ZP2: variants seen among roughly 807,000 people sequenced by gnomAD.
ZP2 encodes zona pellucida sperm-binding protein 2.
Under a neutral mutation model 84.0 loss-of-function variants are expected in ZP2, and 51 were observed. The ratio of observed to expected loss-of-function variants is 0.61; its 90% CI spans 0.49 to 0.77. ZP2 has a LOEUF of 0.77. Ranked by LOEUF, ZP2 falls within the 30% of genes least tolerant of loss-of-function variation. The probability of loss-of-function intolerance (pLI) is 0.00; values close to 1 mark genes in which losing one functional copy is unlikely to be tolerated. For synonymous variants in ZP2, 375 were observed against 330.9 expected (o/e 1.13, Z -1.45); for missense variants, 909 against 911.9 (o/e 1.00, Z 0.04).
upstream of ZP2, chr16:21,211,850 T>C (rs1597592876): frequency 2.4e-6 from 3 of 1,269,788 alleles, no homozygotes; most frequent in East Asian, 9.1e-5. Flanking sequence ...TTTGGGCAAA[T>C]TATTTACAAC....
Position 21,199,970 on chromosome 16 carries a change from C to A in ZP2, c.1695-92G>T, listed in dbSNP as rs570001637. On this transcript the variant is annotated intron_variant, in intron 14 of 18. Transcript: ENST00000574091. Reference sequence around the variant, plus strand: ...CAGATTTAGTCATACGTAATATCTTCAGAACTATTGCCATATTTACCTTCT... The same window carrying A: ...CAGATTTAGTCATACGTAATATCTTAAGAACTATTGCCATATTTACCTTCT... 9 of 1,513,160 alleles carry A rather than the reference C, an allele frequency of 5.9e-6. No individual in the cohort carries two copies. In the African/African-American group the frequency reaches 1.2e-4, roughly 21 times the overall value. The allele number at this position is 1,513,160 out of a possible 1,614,324, so 93.7% of individuals were successfully genotyped here.
At chr16:21,211,456 C>T (rs1238273161) in intron 1 of ZP2, 30 bp downstream of exon 1, 3 of 1,613,654 alleles carry the variant, frequency 1.9e-6, no homozygotes, top group African/African-American at 2.7e-5. Context: ...AGCTACCATA[C>T]CCCCTCCCTC....
chr16:21,202,056 G>C, intron 11 of ZP2, 33 bp from the exon 12 acceptor site: 2 of 1,613,602 alleles, frequency 1.2e-6, no homozygotes, highest in East Asian at 2.2e-5. Flanking sequence ...TTAGCAGCCA[G>C]TTATGTCAAA....
intron 4 of ZP2, among the ~76,000 whole-genome samples, chr16:21,208,732 C>G (rs1017679417): frequency 5.9e-5 from 9 of 152,168 alleles, no homozygotes; most frequent in African/African-American, 2.2e-4. Context: ...TTGCTAGCAC[C>G]AAAATAGCCT....
At position 21,209,648 on chromosome 16, in the gene ZP2, T is replaced by C. The variant is rs376162002; in HGVS notation, c.313A>G (p.Asn105Asp). 11 of 1,614,136 alleles carry C rather than the reference T, an allele frequency of 6.8e-6. No homozygotes were observed. The African/African-American group carries it at 1.5e-4, about 22-fold the overall frequency. The change falls in exon 4 of 19, where the codon AAC becomes GAC. Residue 105 changes from asparagine (N) to aspartate (D), a missense_variant. By Grantham distance (23) the Asn-to-Asp change is conservative (BLOSUM62 1). Coordinates refer to ENST00000574091, the MANE Select transcript of ZP2 (RefSeq NM_001376232.1). Reference sequence around the variant, plus strand: ...TGACTTACCACTCTCCTGGTACAGTTATCATAGGTAGCCCTCAGGGTGAGC... The same window carrying C: ...TGACTTACCACTCTCCTGGTACAGTCATCATAGGTAGCCCTCAGGGTGAGC... ...EKLTLRATYD[N>D]CTRRVHGGHQ...
At chr16:21,211,729 G>T (rs1597592788), upstream of ZP2, 1 of 1,499,172 alleles carries the variant, frequency 6.7e-7, no homozygotes, top group African/African-American at 1.4e-5. Flanking sequence ...GCTTGCGCCG[G>T]GTATTCTGCC....
intron 9 of ZP2, 62 bp downstream of exon 9, chr16:21,203,968 C>T: frequency 6.3e-7 from 1 of 1,585,402 alleles, no homozygotes; most frequent in Non-Finnish European, 8.6e-7. Context: ...ATGAGGACTA[C>T]CCACAAGAGT....
At position 21,203,204 on chromosome 16, in the gene ZP2, C is replaced by T; in HGVS notation, c.1020G>A (p.Lys340=). Residue 340 remains lysine (K), a synonymous_variant, in exon 10 of 19, where the codon AAG becomes AAA. Transcript: ENST00000574091. ...TCTCTGGCCGAAGGAGAAAGGTCAGCTTGAGTGAAGCTAAGTAGAACTGAT... is the reference window on the plus strand; with the variant it reads ...TCTCTGGCCGAAGGAGAAAGGTCAGTTTGAGTGAAGCTAAGTAGAACTGAT... ...LLHQFYLASL[K]LTFLLRPETV... The T allele has an allele frequency of 3.7e-6, 6 of 1,613,898 alleles. No homozygotes were observed. In the South Asian group the frequency reaches 6.6e-5, roughly 18 times the overall value.
intron 2 of ZP2, among the ~76,000 whole-genome samples, chr16:21,210,479 C>A (rs2093269732): frequency 6.6e-6 from 1 of 152,132 alleles, no homozygotes; most frequent in South Asian, 2.1e-4. Context: ...GACAGTGGAG[C>A]AGATGGAGGC....
chr16:21,204,285 G>A (rs768487280), intron 8 of ZP2, 23 bp downstream of exon 8: 3 of 1,613,868 alleles, frequency 1.9e-6, no homozygotes, highest in Non-Finnish European at 2.5e-6. Flanking sequence ...CCACACTGAG[G>A]TTGCAGCTAT....
intron 3 of ZP2, 148 bp downstream of exon 3, chr16:21,209,961 T>G (rs1434423546): frequency 2.6e-6 from 2 of 758,250 alleles, no homozygotes; most frequent in Non-Finnish European, 4.5e-6. Context: ...GCTGGGTGGC[T>G]TCATGCAAAT....
chr16:21,204,123 G>T lies in ZP2; in HGVS notation c.879C>A (p.Asn293Lys). The change falls in exon 9 of 19, where the codon AAC (asparagine) becomes AAA (lysine). Residue 293 changes from asparagine (N) to lysine (K), a missense_variant. By Grantham distance (94) the Asn-to-Lys change is moderately conservative. Coordinates refer to ENST00000574091, the MANE Select transcript of ZP2 (RefSeq NM_001376232.1). ...KLKSVSFENQNIDVSQLHDNG... is the reference protein window; with the variant it reads ...KLKSVSFENQKIDVSQLHDNG... Reference sequence around the variant, plus strand: ...TGTCATGCAGCTGGCTCACATCAATGTTCTGGTTTTCAAAGCTCACAGACT... The same window carrying T: ...TGTCATGCAGCTGGCTCACATCAATTTTCTGGTTTTCAAAGCTCACAGACT... The T allele has an allele frequency of 6.2e-7, 1 of 1,614,152 alleles. No individual in the cohort carries two copies. The highest frequency in any genetic ancestry group is 8.5e-7 in the Non-Finnish European group (1 of 1,180,030).
chr16:21,204,566 T>C (rs2093241128), intron 7 of ZP2, among the ~76,000 whole-genome samples, 162 bp from the exon 8 acceptor site: 1 of 152,254 alleles, frequency 6.6e-6, no homozygotes, highest in Non-Finnish European at 1.5e-5. Context: ...TCTGGAGGTA[T>C]ATTAGTTTTA....
chr16:21,211,647 A>G (rs2093276058), upstream of ZP2: 1 of 1,601,854 alleles, frequency 6.2e-7, no homozygotes, highest in Non-Finnish European at 8.5e-7. Flanking sequence ...CATTGGGGGC[A>G]CCTGAATCTT....
rs535760240 is a variant in ZP2, at chr16:21,206,933, C to T, written c.388G>A (p.Gly130Arg). ...VMNNSAALRH[G>R]AVMYQFFCPA... ...CAGAAGAACTGATACATGACAGCTC[C>T]GTGTCTTAAGGCAGCACTGTTGTTC... The change falls in exon 5 of 19, where the codon GGA becomes AGA. Residue 130 changes from glycine to arginine, a missense_variant. Coordinates refer to ENST00000574091, the MANE Select transcript of ZP2 (RefSeq NM_001376232.1). 38 of 1,614,084 alleles carry T rather than the reference C, an allele frequency of 2.4e-5. No homozygotes were observed. The highest frequency in any genetic ancestry group is 1.3e-4 in the African/African-American group (10 of 75,012).
chr16:21,201,703 T>C lies in ZP2; in HGVS notation c.1504+3A>G. 1 of 1,614,078 alleles carries C rather than the reference T, an allele frequency of 6.2e-7. No homozygotes were observed. On this transcript the variant is annotated splice_donor_region_variant and intron_variant, in intron 13 of 18. Transcript: ENST00000574091. ...AGCAATTTCACAGACTGCAATCTCT[T>C]ACCTGGGTAGCTTTGCAGGATCAAG...
At position 21,197,853 on chromosome 16, in the gene ZP2, G is replaced by C. The variant is rs756309027; in HGVS notation, c.2012-4C>G. 7 of 1,614,002 alleles carry C rather than the reference G, an allele frequency of 4.3e-6. No homozygotes were observed. The highest frequency in any genetic ancestry group is 5.9e-6 in the Non-Finnish European group (7 of 1,179,934). ...TTTAGATCAGATGAGCCGACACCTG[G>C]GAAGAACCTGAGAGTTTAGTACAAC... On this transcript the variant is annotated splice_polypyrimidine_tract_variant and splice_region_variant and intron_variant, in intron 17 of 18. Transcript: ENST00000574091.
Position 21,202,133 on chromosome 16 carries a change from G to C in ZP2, c.1258C>G (p.Pro420Ala). 1.2e-6 allele frequency: 2 copies of C among 1,613,122 alleles called. No individual in the cohort carries two copies. The highest frequency in any genetic ancestry group is 1.7e-6 in the Non-Finnish European group (2 of 1,179,738). Residue 420 changes from proline to alanine, a missense_variant, in exon 11 of 19, where the codon CCC becomes GCC. By Grantham distance (27) the Pro-to-Ala change is conservative (BLOSUM62 -1). Coordinates refer to ENST00000574091, the MANE Select transcript of ZP2 (RefSeq NM_001376232.1). ...TATCTCGTTCCACATCCATTCAGGG[G>C]TATGTGGAACCGTACCAGCCCCTGA... ...QSQGLVRFHIPLNGCGTRYKF... is the reference protein window; with the variant it reads ...QSQGLVRFHIALNGCGTRYKF...
intron 5 of ZP2, chr16:21,206,122 C>G (rs369834345): frequency 3.1e-6 from 1 of 321,150 alleles, no homozygotes; most frequent in East Asian, 7.6e-5. Context: ...CCCAGCCTCC[C>G]AAGTAGCTGG....
Sources: allele counts gnomAD v4.1 joint callset (sites outside exome capture counted in the v4.1 genomes callset), GRCh38; gene constraint gnomAD v4.1.1; transcripts MANE v1.5; gene names NCBI Gene and HGNC (gene_info 2026-07-23, HGNC 2026-07-21).